The following KANK1 variants were observed in gnomAD, a reference collection of about 807,000 sequenced individuals.
The protein encoded by KANK1 is KN motif and ankyrin repeat domain-containing protein 1.
A neutral mutation model predicts 106.2 loss-of-function variants in KANK1; 109 were observed. The ratio of observed to expected loss-of-function variants is 1.03; its 90% CI spans 0.88 to 1.20. KANK1 has a LOEUF of 1.20. Among genes scored for constraint, KANK1 ranks in the 50% most tolerant of loss-of-function variants. The pLI is 0.00. For missense variants in KANK1, 2,399 were observed against 1,710.7 expected, an observed-to-expected ratio of 1.40 and a Z score of -7.10; for synonymous variants, 873 against 652.2, an observed-to-expected ratio of 1.34 and a Z score of -5.16.
At position 731,165 on chromosome 9, in the gene KANK1, A is replaced by T; in HGVS notation, c.2904A>T (p.Thr968=). ...GCCTTGACTTTTTCACAGCATGTAC[A>T]AACAATGAAAGTACACTGAAGTCCA... The part of the protein sequence containing the change: ...DQIAAGLYAC[T]NNESTLKSIM... Residue 968 remains threonine, a synonymous_variant, in exon 5 of 12, where the codon ACA becomes ACT. Transcript: ENST00000382297. The T allele has an allele frequency of 1.3e-6, 2 of 1,599,198 alleles. No homozygotes were observed. Among genetic ancestry groups the T allele is most frequent in the Non-Finnish European group, 1.7e-6 (2 of 1,167,768 alleles).
At chr9:472,655 A>G in intron 2 of KANK1, among the ~76,000 whole-genome samples, 1 of 152,202 alleles carries the variant, frequency 6.6e-6, no homozygotes, top group East Asian at 1.9e-4. Context: ...GCCCTGAGCT[A>G]GTATAGAAAG....
chr9:570,667 T>A (rs1818933492), intron 1 of KANK1, among the ~76,000 whole-genome samples: 1 of 152,216 alleles, frequency 6.6e-6, no homozygotes, highest in Non-Finnish European at 1.5e-5. Context: ...CTCCAGTAAC[T>A]TACACTAATT....
At chr9:628,426 A>C (rs10975478) in intron 1 of KANK1, among the ~76,000 whole-genome samples, 23,701 of 152,194 alleles carry the variant, frequency 0.16, 2,029 homozygotes, top group Admixed American at 0.18. Flanking sequence ...TCCTGTATTT[A>C]TATTCACAGA....
At chr9:602,988 C>A (rs1247915507) in intron 1 of KANK1, among the ~76,000 whole-genome samples, 7 of 151,926 alleles carry the variant, frequency 4.6e-5, no homozygotes, top group African/African-American at 1.5e-4. Context: ...TCATATTTAT[C>A]CACAGTGATA....
intron 8 of KANK1, among the ~76,000 whole-genome samples, chr9:740,358 G>T (rs1445172092): frequency 1.3e-5 from 2 of 152,076 alleles, no homozygotes; most frequent in African/African-American, 4.8e-5. Flanking sequence ...GGATAAGTAG[G>T]TACCACCCTG....
At chr9:523,192 C>G (rs1389365901) in intron 1 of KANK1, among the ~76,000 whole-genome samples, 1 of 151,640 alleles carries the variant, frequency 6.6e-6, no homozygotes, top group Non-Finnish European at 1.5e-5. Context: ...TGGTGGCCAC[C>G]TCAAATTCAA....
At position 738,411 on chromosome 9, in the gene KANK1, G is replaced by A. The variant is rs769323216; in HGVS notation, c.3460G>A (p.Val1154Ile). Reference sequence around the variant, plus strand: ...CATTTCCCCAGATGTCCTCCGCTATGTCATCAACTTGGCAGACGGCAACGG... The same window carrying A: ...CATTTCCCCAGATGTCCTCCGCTATATCATCAACTTGGCAGACGGCAACGG... ...EAISPDVLRYVINLADGNGNT... is the reference protein window; with the variant it reads ...EAISPDVLRYIINLADGNGNT... Residue 1154 changes from valine to isoleucine, a missense_variant, in exon 8 of 12, where the codon GTC becomes ATC. By Grantham distance (29) the Val-to-Ile change is conservative. Coordinates refer to ENST00000382297, the MANE Select transcript of KANK1 (RefSeq NM_015158.5). 4 of 1,614,024 alleles carry A rather than the reference G, an allele frequency of 2.5e-6. No individual in the cohort carries two copies. The African/African-American group carries it at 5.3e-5, about 22-fold the overall frequency.
At chr9:705,023 A>G (rs1183483662) in intron 2 of KANK1, among the ~76,000 whole-genome samples, 1 of 150,550 alleles carries the variant, frequency 6.6e-6, no homozygotes, top group Non-Finnish European at 1.5e-5. Flanking sequence ...AAAAAGAGCA[A>G]TACCCACGTG....
At chr9:541,096 C>G (rs775421057) in intron 1 of KANK1, among the ~76,000 whole-genome samples, 6 of 151,484 alleles carry the variant, frequency 4.0e-5, no homozygotes, top group Admixed American at 3.3e-4. Context: ...TTTGCTGCAT[C>G]TCTTAAGTTT....
At chr9:745,067 C>G in intron 11 of KANK1, 106 bp from the exon 12 acceptor site, 1 of 1,538,912 alleles carries the variant, frequency 6.5e-7, no homozygotes, top group Non-Finnish European at 8.7e-7. Flanking sequence ...GGCTCGGGCT[C>G]ACAGCTGCTT....
chr9:553,466 G>T (rs571205187), intron 1 of KANK1, among the ~76,000 whole-genome samples: 1 of 152,066 alleles, frequency 6.6e-6, no homozygotes, highest in Non-Finnish European at 1.5e-5. Context: ...GCACGCAGGT[G>T]GAAAGTGATC....
intron 1 of KANK1, among the ~76,000 whole-genome samples, chr9:512,230 A>AGTGTGTGTGTGTGTGT (rs71678968): frequency 2.9e-5 from 4 of 136,972 alleles, no homozygotes; most frequent in South Asian, 2.4e-4. Context: ...CATAACCAAT[A>AGTGTGTGTGTGTGTGT]GTGTGTGTGT....
At chr9:670,739 A>C (rs1359985004) in intron 1 of KANK1, among the ~76,000 whole-genome samples, 1 of 152,088 alleles carries the variant, frequency 6.6e-6, no homozygotes, top group Non-Finnish European at 1.5e-5. Flanking sequence ...ATCTCCCTTC[A>C]GGCACTCCTG....
chr9:683,919 TATAGTG>T (rs1818049929), intron 2 of KANK1, among the ~76,000 whole-genome samples: 1 of 152,208 alleles, frequency 6.6e-6, no homozygotes, highest in African/African-American at 2.4e-5. Context: ...ATAATTTTCT[TATAGTG>T]GTGGTGTTTG....
chr9:698,675 T>G (rs776868517), intron 2 of KANK1, among the ~76,000 whole-genome samples: 4 of 152,162 alleles, frequency 2.6e-5, no homozygotes, highest in Admixed American at 1.3e-4. Flanking sequence ...AAAGTTCTCA[T>G]TGTGGAATAC....
At chr9:706,565 T>G (rs1824220165) in intron 2 of KANK1, among the ~76,000 whole-genome samples, 1 of 93,658 alleles carries the variant, frequency 1.1e-5, no homozygotes, top group Non-Finnish European at 2.6e-5. Context: ...TATCTGTATG[T>G]GGCTTTTTTT....
At chr9:701,629 A>C (rs1822695144) in intron 2 of KANK1, among the ~76,000 whole-genome samples, 1 of 152,064 alleles carries the variant, frequency 6.6e-6, no homozygotes, top group African/African-American at 2.4e-5. Context: ...CGACAACAAT[A>C]AATATCTTCA....
rs146062406 is a variant in KANK1 at position 743,072 on chromosome 9, G to C, written c.3897+667G>C. ...TGCGTGTCTCTAGGCCAAAGGACAGGAGTGGTGATAGGTAGAAGGTAGGAA... is the reference window on the plus strand; with the variant it reads ...TGCGTGTCTCTAGGCCAAAGGACAGCAGTGGTGATAGGTAGAAGGTAGGAA... On this transcript the variant is annotated intron_variant, in intron 10 of 11. Transcript: ENST00000382297. Among the ~76,000 whole-genome samples the C allele has an allele frequency of 3.1e-3, 473 of 152,286 alleles. 4 individuals carry two copies. Among genetic ancestry groups the C allele is most frequent in the Non-Finnish European group, 4.9e-3 (334 of 68,036 alleles).
At chr9:561,884 A>G (rs1360599978) in intron 1 of KANK1, among the ~76,000 whole-genome samples, 1 of 152,230 alleles carries the variant, frequency 6.6e-6, no homozygotes, top group Non-Finnish European at 1.5e-5. Context: ...TTCAGAAAGC[A>G]CTGTAGAAAT....
Sources: gnomAD v4.1 joint callset for allele counts (sites outside exome capture counted in the v4.1 genomes callset) on GRCh38, gnomAD v4.1.1 for gene constraint, MANE v1.5 for transcripts, NCBI Gene and HGNC (gene_info 2026-07-23, HGNC 2026-07-21) for gene names.